Variants in DIAPH2 observed in about 807,000 individuals in gnomAD.
DIAPH2 encodes diaphanous related formin 2.
A neutral mutation model predicts 92.7 loss-of-function variants in DIAPH2; 35 were observed. That is an observed-to-expected ratio of 0.38 (90% CI 0.29 to 0.50). The LOEUF (loss-of-function observed/expected upper bound fraction) is 0.50. DIAPH2 is among the 20% of genes least tolerant of loss of function. The pLI, the probability that DIAPH2 is intolerant of heterozygous loss-of-function variation, is 0.94. For synonymous variants in DIAPH2, 301 were observed against 280.4 expected (o/e 1.07, Z -0.73); for missense variants, 701 against 819.5 (o/e 0.86, Z 1.77).
intron 23 of DIAPH2, among the ~76,000 whole-genome samples, chrX:97,301,083 T>C (rs913591100): frequency 1.6e-4 from 15 of 92,946 alleles, no homozygotes; most frequent in Non-Finnish European, 2.5e-4. Flanking sequence ...GTGGGCGGAT[T>C]ACAAAGTCAG....
At chrX:97,510,844 G>C (rs2070884096) in intron 26 of DIAPH2, among the ~76,000 whole-genome samples, 1 of 99,931 alleles carries the variant, frequency 1.0e-5, no homozygotes, top group African/African-American at 3.6e-5. Context: ...ATTTCTGAGG[G>C]CTCTGTTCTG....
intron 1 of DIAPH2, among the ~76,000 whole-genome samples, chrX:96,697,304 C>T (rs761806816): frequency 9.2e-6 from 1 of 108,752 alleles, no homozygotes; most frequent in South Asian, 4.1e-4. Context: ...CGTCTCCAAG[C>T]AGATGAGTAA....
At chrX:97,110,667 T>G (rs605831) in intron 20 of DIAPH2, among the ~76,000 whole-genome samples, 5,617 of 111,538 alleles carry the variant, frequency 0.05, 357 homozygotes, top group African/African-American at 0.17. Flanking sequence ...AATGGGAAAA[T>G]AAGAGCATCA....
intron 17 of DIAPH2, among the ~76,000 whole-genome samples, chrX:97,053,484 G>T (rs2066535009): frequency 9.0e-6 from 1 of 111,308 alleles, no homozygotes; most frequent in Non-Finnish European, 1.9e-5. Context: ...CTTTATTCTT[G>T]TTATAGTTTC....
At chrX:97,044,766 TC>T (rs1569287251) in intron 17 of DIAPH2, among the ~76,000 whole-genome samples, 1 of 111,104 alleles carries the variant, frequency 9.0e-6, no homozygotes, top group African/African-American at 3.3e-5. Context: ...CTCCAACTAT[TC>T]CCTATCTCTC....
chrX:97,537,781 TG>T (rs936648063), intron 26 of DIAPH2, among the ~76,000 whole-genome samples: 2 of 112,025 alleles, frequency 1.8e-5, no homozygotes, highest in African/African-American at 6.5e-5. Flanking sequence ...AAGAAGGTCT[TG>T]CCCTGGTTGA....
chrX:97,098,339 T>C (rs1163390803), intron 19 of DIAPH2, among the ~76,000 whole-genome samples: 1 of 111,770 alleles, frequency 8.9e-6, no homozygotes, highest in Non-Finnish European at 1.9e-5. Flanking sequence ...TCTAAACCTA[T>C]TAAGCAATAA....
intron 19 of DIAPH2, among the ~76,000 whole-genome samples, chrX:97,082,160 CACTA>C (rs1001325673): frequency 5.5e-5 from 6 of 109,445 alleles, no homozygotes; most frequent in African/African-American, 2.0e-4. Context: ...ACGTAAGTCT[CACTA>C]ACAGTTCAGT....
chrX:96,688,606 G>A (rs2063783537), intron 1 of DIAPH2, among the ~76,000 whole-genome samples: 1 of 112,281 alleles, frequency 8.9e-6, no homozygotes, highest in South Asian at 3.7e-4. Flanking sequence ...CAAAGTGCTA[G>A]GATTACAGGC....
intron 25 of DIAPH2, among the ~76,000 whole-genome samples, chrX:97,416,132 G>T (rs1374568284): frequency 8.9e-6 from 1 of 112,378 alleles, no homozygotes. Context: ...TTATTGAACT[G>T]CCCTTAAGAA....
intron 26 of DIAPH2, among the ~76,000 whole-genome samples, chrX:97,597,101 C>G (rs1290355454): frequency 9.0e-6 from 1 of 111,561 alleles, no homozygotes; most frequent in African/African-American, 3.3e-5. Flanking sequence ...ATGTAAGTGG[C>G]AACTTTTACA....
chrX:96,933,540 G>GTA (rs1323870996), intron 10 of DIAPH2, among the ~76,000 whole-genome samples: 7 of 101,514 alleles, frequency 6.9e-5, no homozygotes, highest in East Asian at 3.0e-4. Context: ...GTATATATGT[G>GTA]TATATATATA....
intron 17 of DIAPH2, among the ~76,000 whole-genome samples, chrX:97,051,956 C>G (rs1481789969): frequency 8.9e-6 from 1 of 111,826 alleles, no homozygotes; most frequent in Non-Finnish European, 1.9e-5. Flanking sequence ...CTTGTTAAAG[C>G]CAATTTATCT....
chrX:97,519,398 C>T (rs903434558), intron 26 of DIAPH2, among the ~76,000 whole-genome samples: 11 of 112,049 alleles, frequency 9.8e-5, no homozygotes, highest in African/African-American at 3.6e-4. Context: ...TTATTTTCCT[C>T]ATATTGTAAG....
chrX:97,300,756 C>T lies in DIAPH2; in HGVS notation c.2845-47360C>T, dbSNP rs762230180. The stretch of plus-strand genomic sequence containing the variant: ...GACCATCCTGGCTAACACGGTGAAA[C>T]CCCGTCTCTACTAAAAATACAAAAA... On this transcript the variant is annotated intron_variant, in intron 23 of 26. Transcript: ENST00000324765. Among the ~76,000 whole-genome samples the T allele has an allele frequency of 6.8e-5, 6 of 88,371 alleles. No individual in the cohort carries two copies. The South Asian group carries it at 3.1e-3, about 45-fold the overall frequency. 76.7% of individuals were successfully genotyped at this position (88,371 alleles called of 115,157 possible).
chrX:96,804,158 T>A (rs756415841), intron 4 of DIAPH2, among the ~76,000 whole-genome samples: 1 of 112,118 alleles, frequency 8.9e-6, no homozygotes, highest in African/African-American at 3.2e-5. Context: ...GTTCTTCTCC[T>A]ATTAAAATTT....
intron 15 of DIAPH2, among the ~76,000 whole-genome samples, chrX:96,950,279 A>G (rs1474809276): frequency 9.1e-6 from 1 of 110,448 alleles, no homozygotes; most frequent in African/African-American, 3.3e-5. Context: ...ATCCCCTTTT[A>G]GTAGGGGTCA....
chrX:97,295,688 C>G (rs1167861505), intron 23 of DIAPH2, among the ~76,000 whole-genome samples: 1 of 110,365 alleles, frequency 9.1e-6, no homozygotes, highest in Non-Finnish European at 1.9e-5. Context: ...GGCTCTTAAT[C>G]ACTGCATTCA....
intron 26 of DIAPH2, among the ~76,000 whole-genome samples, chrX:97,497,346 C>T (rs2070766012): frequency 9.0e-6 from 1 of 110,566 alleles, no homozygotes; most frequent in Non-Finnish European, 1.9e-5. Context: ...GTGTGCTGCC[C>T]CCACCCCCAC....
Sources: gnomAD v4.1 joint callset for allele counts (sites outside exome capture counted in the v4.1 genomes callset) on GRCh38, gnomAD v4.1.1 for gene constraint, MANE v1.5 for transcripts, NCBI Gene and HGNC (gene_info 2026-07-23, HGNC 2026-07-21) for gene names.